The following PGCKA1 variants were observed in gnomAD, a reference collection of about 807,000 sequenced individuals.
PGCKA1 encodes the protein PDCD10 and GCKIII kinases-associated protein 1.
the PGCKA1 span, among the ~76,000 whole-genome samples, chr4:37,575,684 G>A: frequency 6.6e-6 from 1 of 152,062 alleles, no homozygotes; most frequent in African/African-American, 2.4e-5. Flanking sequence ...TCAGTCCAAT[G>A]TCCTGGAGAC....
chr4:37,499,633 G>A, the PGCKA1 span, among the ~76,000 whole-genome samples: 7 of 151,994 alleles, frequency 4.6e-5, no homozygotes, highest in Admixed American at 4.6e-4. Flanking sequence ...ATTTCTGTGT[G>A]GTCAGTGGTA....
At chr4:37,517,407 A>G in the PGCKA1 span, among the ~76,000 whole-genome samples, 2 of 151,632 alleles carry the variant, frequency 1.3e-5, no homozygotes, top group African/African-American at 4.8e-5. Context: ...GTAACCACAG[A>G]TTATTGGGGA....
At chr4:37,481,503 A>G in the PGCKA1 span, among the ~76,000 whole-genome samples, 2 of 94,878 alleles carry the variant, frequency 2.1e-5, no homozygotes, top group African/African-American at 3.0e-5. Flanking sequence ...AAAAAAAAGA[A>G]GTCCAAGATC....
At chr4:37,461,354 TAATGTC>T in the PGCKA1 span, among the ~76,000 whole-genome samples, 2 of 152,082 alleles carry the variant, frequency 1.3e-5, 1 homozygote, top group African/African-American at 4.8e-5. Flanking sequence ...ATTTTGTGAA[TAATGTC>T]AATGGTGGTT....
At chr4:37,592,077 G>A in the PGCKA1 span, among the ~76,000 whole-genome samples, 6 of 151,784 alleles carry the variant, frequency 4.0e-5, no homozygotes, top group Admixed American at 6.6e-5. Context: ...GCACGGTGGC[G>A]GGCGCCTGTA....
chr4:37,575,636 T>C, the PGCKA1 span, among the ~76,000 whole-genome samples: 2 of 152,268 alleles, frequency 1.3e-5, no homozygotes, highest in Non-Finnish European at 2.9e-5. Context: ...TTGCTTTGGG[T>C]GCCTTTGTTT....
At chr4:37,509,258 G>A in the PGCKA1 span, among the ~76,000 whole-genome samples, 4 of 132,082 alleles carry the variant, frequency 3.0e-5, no homozygotes, top group Non-Finnish European at 4.9e-5. Flanking sequence ...GGGTGGCCAG[G>A]CAGAGGCGCC....
At chr4:37,556,972 G>A in the PGCKA1 span, among the ~76,000 whole-genome samples, 4 of 152,176 alleles carry the variant, frequency 2.6e-5, no homozygotes, top group Non-Finnish European at 5.9e-5. Context: ...TTTCGCTGAC[G>A]AGAATATAAA....
chr4:37,567,633 C>T, the PGCKA1 span, among the ~76,000 whole-genome samples: 5 of 152,100 alleles, frequency 3.3e-5, no homozygotes, highest in Non-Finnish European at 7.4e-5. Flanking sequence ...AAATGCCATC[C>T]GGCTTCACCA....
the PGCKA1 span, among the ~76,000 whole-genome samples, chr4:37,469,365 C>T: frequency 1.3e-5 from 2 of 152,290 alleles, no homozygotes; most frequent in South Asian, 2.1e-4. Flanking sequence ...TTGTTCTTTT[C>T]GCAAATGCAG....
chr4:37,527,849 A>G, the PGCKA1 span, among the ~76,000 whole-genome samples: 1 of 151,520 alleles, frequency 6.6e-6, no homozygotes, highest in Non-Finnish European at 1.5e-5. Context: ...AAATACTTTT[A>G]TGTTACAATT....
At chr4:37,514,470 G>A in the PGCKA1 span, among the ~76,000 whole-genome samples, 1 of 151,972 alleles carries the variant, frequency 6.6e-6, no homozygotes, top group South Asian at 2.1e-4. Context: ...GCATTCACTG[G>A]ATCGGGATAA....
the PGCKA1 span, among the ~76,000 whole-genome samples, chr4:37,468,911 A>G: frequency 6.6e-6 from 1 of 152,186 alleles, no homozygotes; most frequent in Non-Finnish European, 1.5e-5. Flanking sequence ...GTTAAGCCTC[A>G]TAACTATGAT....
chr4:37,526,528 G>C, the PGCKA1 span, among the ~76,000 whole-genome samples: 3 of 152,162 alleles, frequency 2.0e-5, no homozygotes, highest in Non-Finnish European at 4.4e-5. Flanking sequence ...ACTTCATTGG[G>C]ATAAGCATAA....
the PGCKA1 span, among the ~76,000 whole-genome samples, chr4:37,555,604 G>T: frequency 6.6e-6 from 1 of 152,172 alleles, no homozygotes; most frequent in Non-Finnish European, 1.5e-5. Context: ...AAAGGGTGTG[G>T]CTCGAGAGGT....
chr4:37,492,471 G>A, the PGCKA1 span, among the ~76,000 whole-genome samples: 1 of 152,116 alleles, frequency 6.6e-6, no homozygotes, highest in Non-Finnish European at 1.5e-5. The surrounding 1 kb of genome is among the most constrained non-coding windows in gnomAD (Gnocchi z 4.7). Flanking sequence ...GTGTCTTCAG[G>A]TACTTCTGCA....
At chr4:37,532,945 G>A in the PGCKA1 span, among the ~76,000 whole-genome samples, 2 of 100,808 alleles carry the variant, frequency 2.0e-5, 1 homozygote, top group Non-Finnish European at 4.6e-5. Context: ...CCATCTCCTG[G>A]ACTTTGGGGA....
the PGCKA1 span, among the ~76,000 whole-genome samples, chr4:37,504,108 G>A: frequency 6.6e-6 from 1 of 152,118 alleles, no homozygotes; most frequent in Non-Finnish European, 1.5e-5. Flanking sequence ...GATCCATTTT[G>A]ATTTGATTTT....
the PGCKA1 span, among the ~76,000 whole-genome samples, chr4:37,526,936 T>C: frequency 6.6e-6 from 1 of 152,178 alleles, no homozygotes; most frequent in Non-Finnish European, 1.5e-5. Flanking sequence ...GACATTGTTA[T>C]CATACAAGAT....
Sources: gnomAD v4.1 joint callset for allele counts (sites outside exome capture counted in the v4.1 genomes callset) on GRCh38, gnomAD v4.1.1 for gene constraint, Gnocchi (gnomAD v3.1) non-coding constraint, MANE v1.5 for transcripts, NCBI Gene and HGNC (gene_info 2026-07-23, HGNC 2026-07-21) for gene names.